The following ST6GALNAC6 variants were observed in gnomAD, a reference collection of about 807,000 sequenced individuals.
ST6GALNAC6 encodes alpha-N-acetylgalactosaminide alpha-2,6-sialyltransferase 6.
ST6GALNAC6 carries 19 observed loss-of-function variants against 34.3 expected under a neutral mutation model. The observed-to-expected ratio is 0.55, with a 90% CI of 0.39 to 0.81. The LOEUF (loss-of-function observed/expected upper bound fraction) is 0.81. Among genes scored for constraint, ST6GALNAC6 ranks in the 40% least tolerant of loss-of-function variants. The probability of loss-of-function intolerance (pLI) is 0.00; values close to 1 mark genes in which losing one functional copy is unlikely to be tolerated. For missense variants in ST6GALNAC6, 377 were observed against 467.7 expected (o/e 0.81, Z 1.79); for synonymous variants, 185 against 182.1 (o/e 1.02, Z -0.13).
chr9:127,902,329 T>G (rs1197302871), upstream of ST6GALNAC6, among the ~76,000 whole-genome samples: 1 of 150,496 alleles, frequency 6.6e-6, no homozygotes, highest in Non-Finnish European at 1.5e-5. Flanking sequence ...CAGCTAATTT[T>G]TTTGTATTTT....
upstream of ST6GALNAC6, among the ~76,000 whole-genome samples, chr9:127,902,776 C>T (rs1260725451): frequency 2.0e-5 from 3 of 149,936 alleles, no homozygotes; most frequent in South Asian, 2.1e-4. Flanking sequence ...TTAGTAGAAA[C>T]GAGGTTTCAC....
upstream of ST6GALNAC6, among the ~76,000 whole-genome samples, chr9:127,902,790 G>T (rs1432169125): frequency 7.1e-6 from 1 of 141,762 alleles, no homozygotes; most frequent in Non-Finnish European, 1.5e-5. Context: ...GTTTCACCAT[G>T]TTGGTCAGGC....
rs576711102 is a variant in ST6GALNAC6, at chr9:127,886,322, T to C, written c.*277A>G. 3 of 869,638 alleles carry C rather than the reference T, an allele frequency of 3.4e-6. No homozygotes were observed. In the East Asian group the frequency reaches 8.9e-5, roughly 26 times the overall value. 53.9% of individuals were successfully genotyped at this position (869,638 alleles called of 1,614,324 possible). A position where few individuals can be genotyped will look rare whatever the true frequency, so the allele number is the denominator to read the frequency against. On this transcript the variant is annotated 3_prime_UTR_variant, in exon 7 of 7. Transcript: ENST00000373146. ...GAAAGGACATGTCCTTAGCCTCAGA[T>C]TGACTCAGAAATACCCCCTCTACCC... is the stretch of plus-strand genomic sequence containing the variant.
In ST6GALNAC6 at chr9:127,887,494, T is replaced by TG. The variant is rs747612913; in HGVS notation, c.801dup (p.Asn268GlnfsTer32). On this transcript the variant is annotated frameshift_variant, in exon 6 of 7. Transcript: ENST00000373146. LOFTEE classifies it high-confidence loss of function. ...GCAAGGAGGGCTCACCTGCAGTAGTTGGGGGGGACCATGCCATAGACATGC... is the reference window on the plus strand; with the variant it reads ...GCAAGGAGGGCTCACCTGCAGTAGTTGGGGGGGGACCATGCCATAGACATGC... The TG allele has an allele frequency of 1.6e-5, 26 of 1,611,292 alleles. No individual in the cohort carries two copies. The highest frequency in any genetic ancestry group is 1.2e-5 in the Non-Finnish European group (14 of 1,178,772).
intron 3 of ST6GALNAC6, among the ~76,000 whole-genome samples, chr9:127,894,983 C>T (rs1483125799): frequency 6.6e-6 from 1 of 152,170 alleles, no homozygotes; most frequent in Admixed American, 6.5e-5. Context: ...GGAAGGTTCT[C>T]CGGGAGGGTT....
chr9:127,901,409 G>GTGAGACCAGCCTGGCTAACATGT (rs1564495955), upstream of ST6GALNAC6, among the ~76,000 whole-genome samples: 4 of 151,774 alleles, frequency 2.6e-5, no homozygotes, highest in African/African-American at 4.9e-5. Context: ...GGCTAACATG[G>GTGAGACCAGCCTGGCTAACATGT]TGAAACCCCG....
At chr9:127,891,388 G>T (rs144711133) in intron 4 of ST6GALNAC6, among the ~76,000 whole-genome samples, 1,955 of 152,202 alleles carry the variant, frequency 0.013, 22 homozygotes, top group Non-Finnish European at 0.021. Flanking sequence ...GGCCGAGGCA[G>T]GCGGATCACC....
At chr9:127,897,094 G>C in intron 2 of ST6GALNAC6, 1 of 903,882 alleles carries the variant, frequency 1.1e-6, no homozygotes, top group Non-Finnish European at 1.3e-6. Context: ...GGTGGCTGGG[G>C]GGGCCTTTGG....
intron 3 of ST6GALNAC6, among the ~76,000 whole-genome samples, chr9:127,895,474 C>T (rs563572503): frequency 1.1e-4 from 16 of 152,342 alleles, no homozygotes; most frequent in Admixed American, 3.9e-4. Flanking sequence ...TTCCCCTCCC[C>T]AGGCCAGTTC....
chr9:127,886,279 T>C lies in ST6GALNAC6; in HGVS notation c.*320A>G. 1.8e-6 allele frequency: 1 copy of C among 552,990 alleles called. No individual in the cohort carries two copies. Among genetic ancestry groups the C allele is most frequent in the Non-Finnish European group, 2.9e-6 (1 of 348,652 alleles). 34.3% of individuals were successfully genotyped at this position (552,990 alleles called of 1,614,324 possible). ...ATTGGGGGGTCCATTCCTGGGGCTC[T>C]GAACCAAGGCCTCATGGGAAAGGAC... On this transcript the variant is annotated 3_prime_UTR_variant, in exon 7 of 7. Transcript: ENST00000373146.
intron 4 of ST6GALNAC6, 28 bp from the exon 5 acceptor site, chr9:127,891,071 C>A: frequency 6.2e-7 from 1 of 1,608,788 alleles, no homozygotes. Flanking sequence ...TCAACATTAT[C>A]ACGGCCACTC....
In ST6GALNAC6 at chr9:127,886,461, A is replaced by T. The variant is rs551782011; in HGVS notation, c.*138T>A. The stretch of plus-strand genomic sequence containing the variant: ...TCCCCAGGCCCTGATTGGCTGGAGG[A>T]TACATCCTCCTCAAGGCCCTGATTG... On this transcript the variant is annotated 3_prime_UTR_variant, in exon 7 of 7. Transcript: ENST00000373146. The T allele has an allele frequency of 6.9e-7, 1 of 1,455,796 alleles. No homozygotes were observed. The highest frequency in any genetic ancestry group is 2.7e-5 in the Admixed American group (1 of 36,538). 90.2% of individuals were successfully genotyped at this position (1,455,796 alleles called of 1,614,324 possible).
intron 4 of ST6GALNAC6, among the ~76,000 whole-genome samples, 190 bp from the exon 5 acceptor site, chr9:127,891,233 G>A (rs1305803811): frequency 6.6e-6 from 1 of 152,188 alleles, no homozygotes; most frequent in Non-Finnish European, 1.5e-5. Context: ...GCAGAGCAAG[G>A]AGCAAAACAG....
At chr9:127,897,550 G>T in intron 2 of ST6GALNAC6, 2 of 617,400 alleles carry the variant, frequency 3.2e-6, no homozygotes, top group Non-Finnish European at 4.1e-6. Flanking sequence ...TTCTCCAGCG[G>T]CTGCCCCTCA....
intron 4 of ST6GALNAC6, among the ~76,000 whole-genome samples, chr9:127,892,663 C>T (rs1395830072): frequency 1.3e-5 from 2 of 152,162 alleles, no homozygotes; most frequent in African/African-American, 4.8e-5. Context: ...TGAATTATAA[C>T]CAGTCATTGT....
chr9:127,896,858 G>A, intron 2 of ST6GALNAC6: 1 of 985,332 alleles, frequency 1.0e-6, no homozygotes, highest in Non-Finnish European at 1.2e-6. Context: ...GCTAAGAGCT[G>A]CCTGCGGGAT....
upstream of ST6GALNAC6, chr9:127,905,998 T>C (rs1368446760): frequency 1.0e-6 from 1 of 985,680 alleles, no homozygotes; most frequent in Non-Finnish European, 1.2e-6. Context: ...AGCCTGCTCC[T>C]TGCTTCGCCA....
At chr9:127,887,688 C>A in intron 5 of ST6GALNAC6, 97 bp from the exon 6 acceptor site, 1 of 944,414 alleles carries the variant, frequency 1.1e-6, no homozygotes, top group South Asian at 1.5e-5. Context: ...GAACTCCTCC[C>A]ATCCACTCAT....
At chr9:127,889,232 C>T (rs1456038627) in intron 5 of ST6GALNAC6, among the ~76,000 whole-genome samples, 1 of 151,678 alleles carries the variant, frequency 6.6e-6, no homozygotes, top group Non-Finnish European at 1.5e-5. Context: ...CCTGTGGTCC[C>T]AGCTACTTGG....
Sources: allele counts gnomAD v4.1 joint callset (sites outside exome capture counted in the v4.1 genomes callset), GRCh38; gene constraint gnomAD v4.1.1; transcripts MANE v1.5; gene names NCBI Gene and HGNC (gene_info 2026-07-23, HGNC 2026-07-21).